Variants in CDKN2B-AS1 observed in about 807,000 individuals in gnomAD.
The protein encoded by CDKN2B-AS1 is CDKN2B antisense RNA 1 (non-protein coding).
intron 3 of CDKN2B-AS1, among the ~76,000 whole-genome samples, chr9:22,051,877 A>G (rs187260443): frequency 3.3e-5 from 5 of 149,932 alleles, no homozygotes; most frequent in African/African-American, 1.2e-4. Flanking sequence ...AGACGTATAC[A>G]TTTAAAGGAG....
At chr9:22,093,762 C>G (rs1825178506) in intron 4 of CDKN2B-AS1, among the ~76,000 whole-genome samples, 1 of 144,174 alleles carries the variant, frequency 6.9e-6, no homozygotes, top group Admixed American at 6.7e-5. Context: ...TGGGTCTTGA[C>G]TCTTTATCCA....
At chr9:22,025,400 C>T (rs1050345855) in intron 1 of CDKN2B-AS1, among the ~76,000 whole-genome samples, 1 of 152,126 alleles carries the variant, frequency 6.6e-6, no homozygotes, top group African/African-American at 2.4e-5. Context: ...AGTTCCATTG[C>T]AGAGGTAGTG....
At chr9:22,018,638 G>A (rs1420927117) in intron 1 of CDKN2B-AS1, among the ~76,000 whole-genome samples, 1 of 152,176 alleles carries the variant, frequency 6.6e-6, no homozygotes, top group South Asian at 2.1e-4. Context: ...GGGTGACAGC[G>A]CAAGACTTCA....
chr9:22,010,290 T>C (rs528062587), intron 1 of CDKN2B-AS1, among the ~76,000 whole-genome samples: 1 of 152,206 alleles, frequency 6.6e-6, no homozygotes, highest in South Asian at 2.1e-4. Context: ...ATTTATTACT[T>C]AAAATATTTA....
chr9:22,059,626 C>T (rs1823727536), intron 4 of CDKN2B-AS1, among the ~76,000 whole-genome samples: 1 of 152,220 alleles, frequency 6.6e-6, no homozygotes, highest in African/African-American at 2.4e-5. Context: ...GACGATGGCC[C>T]TCTTCTCACA....
At position 22,005,607 on chromosome 9, in the gene CDKN2B-AS1, C is replaced by T. The variant is rs1821134040; in HGVS notation, n.29+10446C>T. ...CCAAGTGCTAATCACTGCCTTCTCC[C>T]ACTCAGCGCTGGAGTGGGAGATTCA... On this transcript the variant is annotated intron_variant and non_coding_transcript_variant, in intron 1 of 4. Coordinates refer to ENST00000650946, the Ensembl canonical transcript of CDKN2B-AS1. This position sits in a 1 kb window ranked among gnomAD's most constrained non-coding sequence, Gnocchi z 4.9. 1.4e-5 allele frequency: 6 copies of T among 438,022 alleles called. No homozygotes were observed. The highest frequency in any genetic ancestry group is 6.5e-4 in the Middle Eastern group (1 of 1,540). The allele number at this position is 438,022 out of a possible 1,614,324, so 27.1% of individuals were successfully genotyped here.
Position 22,005,475 on chromosome 9 carries a change from A to G in CDKN2B-AS1, n.29+10314A>G. The G allele has an allele frequency of 3.8e-6, 1 of 261,842 alleles. No individual in the cohort carries two copies. The highest frequency in any genetic ancestry group is 5.5e-5 in the East Asian group (1 of 18,228). 16.2% of individuals were successfully genotyped at this position (261,842 alleles called of 1,614,324 possible). ...CTGAAGCCCACCTCGGCCCTCCTCC[A>G]CTTTGTCCTCAGTCTTCAGGTTTTC... On this transcript the variant is annotated intron_variant and non_coding_transcript_variant, in intron 1 of 4. Coordinates refer to ENST00000650946, the Ensembl canonical transcript of CDKN2B-AS1. This position sits in a 1 kb window ranked among gnomAD's most constrained non-coding sequence, Gnocchi z 4.9.
In CDKN2B-AS1 at chr9:21,999,673, A is replaced by G. The variant is rs1402112995; in HGVS notation, n.29+4512A>G. ...GAAATGTTTCTTTATAGCAGTGTGT[A>G]TTAGCAAACAAAGTGCAAGAAAGAG... On this transcript the variant is annotated intron_variant and non_coding_transcript_variant, in intron 1 of 4. Transcript: ENST00000650946. The surrounding 1 kb of genome is among the most constrained non-coding windows in gnomAD (Gnocchi z 4.7). 6.6e-6 allele frequency among the ~76,000 whole-genome samples: 1 copy of G among 152,210 alleles called. No individual in the cohort carries two copies. Among genetic ancestry groups the G allele is most frequent in the Non-Finnish European group, 1.5e-5 (1 of 68,022 alleles).
At chr9:22,084,603 C>T (rs1385182689) in intron 4 of CDKN2B-AS1, among the ~76,000 whole-genome samples, 2 of 152,044 alleles carry the variant, frequency 1.3e-5, no homozygotes, top group African/African-American at 4.8e-5. Context: ...TCTGGGAGTT[C>T]TGTTGCATGA....
At chr9:22,017,647 G>T (rs1821830344) in intron 1 of CDKN2B-AS1, among the ~76,000 whole-genome samples, 1 of 152,154 alleles carries the variant, frequency 6.6e-6, no homozygotes, top group Non-Finnish European at 1.5e-5. Context: ...TGTCACATCA[G>T]TAATGTACAG....
intron 1 of CDKN2B-AS1, among the ~76,000 whole-genome samples, chr9:22,044,308 G>A (rs1823020213): frequency 2.0e-5 from 3 of 151,816 alleles, no homozygotes; most frequent in African/African-American, 7.3e-5. Flanking sequence ...CCTAGAAACA[G>A]AGTAGAATAT....
chr9:22,035,643 G>A (rs372514811), intron 1 of CDKN2B-AS1, among the ~76,000 whole-genome samples: 5 of 152,214 alleles, frequency 3.3e-5, no homozygotes, highest in East Asian at 3.9e-4. Flanking sequence ...CTGCTTCTCC[G>A]AGTATTTGCC....
chr9:22,040,117 C>T (rs117561861), intron 1 of CDKN2B-AS1, among the ~76,000 whole-genome samples: 1 of 151,964 alleles, frequency 6.6e-6, no homozygotes, highest in East Asian at 1.9e-4. Flanking sequence ...GTCTAGCTTC[C>T]AGAGCTGTGA....
At chr9:22,074,653 G>A (rs1020844599) in intron 4 of CDKN2B-AS1, among the ~76,000 whole-genome samples, 10 of 152,172 alleles carry the variant, frequency 6.6e-5, no homozygotes, top group African/African-American at 2.4e-4. Context: ...AGTGGGCTGG[G>A]GAGCGACTTT....
At chr9:22,099,878 A>T (rs911061134) in intron 4 of CDKN2B-AS1, among the ~76,000 whole-genome samples, 1 of 152,220 alleles carries the variant, frequency 6.6e-6, no homozygotes, top group Non-Finnish European at 1.5e-5. Flanking sequence ...AATGATACAC[A>T]AGAAACAAAT....
intron 4 of CDKN2B-AS1, among the ~76,000 whole-genome samples, chr9:22,124,244 T>A (rs1431482702): frequency 6.6e-6 from 1 of 152,216 alleles, no homozygotes; most frequent in Non-Finnish European, 1.5e-5. Flanking sequence ...CTGGTCTTTT[T>A]TCAGCAAACC....
chr9:22,090,617 A>G (rs1825045862), intron 4 of CDKN2B-AS1, among the ~76,000 whole-genome samples: 1 of 152,152 alleles, frequency 6.6e-6, no homozygotes, highest in South Asian at 2.1e-4. Flanking sequence ...TTGGCTGCAT[A>G]AATGTCTTCT....
intron 4 of CDKN2B-AS1, among the ~76,000 whole-genome samples, chr9:22,087,662 G>T (rs1824911245): frequency 6.6e-6 from 1 of 152,130 alleles, no homozygotes; most frequent in Non-Finnish European, 1.5e-5. Flanking sequence ...TGTTTAGTCT[G>T]ATGTTTTCCT....
intron 1 of CDKN2B-AS1, among the ~76,000 whole-genome samples, chr9:22,017,549 T>C (rs1315150616): frequency 6.6e-6 from 1 of 152,202 alleles, no homozygotes; most frequent in Non-Finnish European, 1.5e-5. Context: ...TCATTGAAAC[T>C]CATTCTTGAA....
Sources: allele counts gnomAD v4.1 joint callset (sites outside exome capture counted in the v4.1 genomes callset), GRCh38; gene constraint gnomAD v4.1.1; non-coding constraint Gnocchi (gnomAD v3.1); transcripts MANE v1.5; gene names NCBI Gene and HGNC (gene_info 2026-07-23, HGNC 2026-07-21).